The following ANKS1B variants were observed in gnomAD, a reference collection of about 807,000 sequenced individuals.
ANKS1B encodes the protein ankyrin repeat and sterile alpha motif domain-containing protein 1B.
A neutral mutation model predicts 148.3 loss-of-function variants in ANKS1B; 36 were observed. The observed-to-expected ratio is 0.24, with a 90% CI of 0.19 to 0.32. The LOEUF (loss-of-function observed/expected upper bound fraction) is 0.32. Among genes scored for constraint, ANKS1B ranks in the 10% least tolerant of loss-of-function variants. ANKS1B has a pLI of 1.00. For synonymous variants in ANKS1B, 542 were observed against 560.8 expected, an observed-to-expected ratio of 0.97 and a Z score of 0.47; for missense variants, 1,157 against 1,542.6, an observed-to-expected ratio of 0.75 and a Z score of 4.19.
chr12:98,821,161 C>T (rs907196744), intron 19 of ANKS1B, among the ~76,000 whole-genome samples: 2 of 152,212 alleles, frequency 1.3e-5, no homozygotes, highest in African/African-American at 4.8e-5. Flanking sequence ...AGGAAATAGA[C>T]ATCAGAGATG....
At chr12:99,666,372 T>C (rs2098506882) in intron 8 of ANKS1B, among the ~76,000 whole-genome samples, 1 of 152,180 alleles carries the variant, frequency 6.6e-6, no homozygotes, top group Non-Finnish European at 1.5e-5. Context: ...CATAGTACAA[T>C]TTGGGGAGAA....
At chr12:99,109,981 C>G (rs2059975472) in intron 15 of ANKS1B, among the ~76,000 whole-genome samples, 1 of 152,152 alleles carries the variant, frequency 6.6e-6, no homozygotes, top group African/African-American at 2.4e-5. Context: ...AAGGGAACAC[C>G]AGCCAAAACT....
intron 14 of ANKS1B, among the ~76,000 whole-genome samples, chr12:99,242,128 G>A (rs2153965992): frequency 6.6e-6 from 1 of 152,314 alleles, no homozygotes; most frequent in African/African-American, 2.4e-5. Context: ...TGATATGATT[G>A]TATATTTAGA....
intron 8 of ANKS1B, among the ~76,000 whole-genome samples, chr12:99,655,886 GACTT>G (rs2098447477): frequency 6.6e-6 from 1 of 152,132 alleles, no homozygotes; most frequent in Non-Finnish European, 1.5e-5. Flanking sequence ...GGTATTACCT[GACTT>G]AGCAAACATG....
chr12:99,876,014 T>C (rs1383501305), intron 1 of ANKS1B, among the ~76,000 whole-genome samples: 5 of 152,110 alleles, frequency 3.3e-5, no homozygotes, highest in African/African-American at 9.7e-5. Context: ...AGTTCATCAG[T>C]CCAGTTTTTC....
chr12:99,706,259 T>TA (rs951072125), intron 8 of ANKS1B, among the ~76,000 whole-genome samples: 8 of 151,794 alleles, frequency 5.3e-5, no homozygotes, highest in African/African-American at 1.9e-4. Context: ...GACATAAAGA[T>TA]AAATACCCAG....
chr12:99,197,326 C>A (rs2081508071), intron 14 of ANKS1B, among the ~76,000 whole-genome samples: 1 of 152,144 alleles, frequency 6.6e-6, no homozygotes, highest in Non-Finnish European at 1.5e-5. Context: ...CTTGGATTGG[C>A]CTCTGCTCAT....
At position 99,812,330 on chromosome 12, in the gene ANKS1B, C is replaced by A; in HGVS notation, c.216-19G>T. The A allele has an allele frequency of 1.2e-6, 2 of 1,605,062 alleles. No homozygotes were observed. The highest frequency in any genetic ancestry group is 1.7e-6 in the Non-Finnish European group (2 of 1,175,360). On this transcript the variant is annotated intron_variant, in intron 2 of 26. Coordinates refer to ENST00000683438, the MANE Select transcript of ANKS1B (RefSeq NM_001352186.2). ...TATGTCCCTAAAAAGGAAAAAACAA[C>A]AACAACAAAATAGGCTGAGCAAGAC... is the stretch of plus-strand genomic sequence containing the variant.
At chr12:99,550,498 C>G (rs1407376365) in intron 9 of ANKS1B, among the ~76,000 whole-genome samples, 1 of 152,022 alleles carries the variant, frequency 6.6e-6, no homozygotes, top group African/African-American at 2.4e-5. Flanking sequence ...GTGGCTGGCA[C>G]CTGTAATCCC....
At chr12:99,475,244 CAA>C (rs35782669) in intron 10 of ANKS1B, among the ~76,000 whole-genome samples, 1 of 83,762 alleles carries the variant, frequency 1.2e-5, no homozygotes. Flanking sequence ...GACTCTGTTT[CAA>C]AAAAAAAAGA....
intron 15 of ANKS1B, among the ~76,000 whole-genome samples, chr12:99,116,456 T>C (rs1160076323): frequency 6.6e-6 from 1 of 152,180 alleles, no homozygotes; most frequent in Non-Finnish European, 1.5e-5. Flanking sequence ...TATTAACTAG[T>C]ACATATAAGG....
chr12:99,443,834 T>G, intron 10 of ANKS1B, 25 bp from the exon 11 acceptor site: 1 of 1,597,132 alleles, frequency 6.3e-7, no homozygotes, highest in Non-Finnish European at 8.5e-7. Context: ...AGAACTGCCA[T>G]GAACCTAATC....
intron 14 of ANKS1B, among the ~76,000 whole-genome samples, chr12:99,181,046 T>C (rs1473771415): frequency 6.6e-6 from 1 of 152,248 alleles, no homozygotes; most frequent in Non-Finnish European, 1.5e-5. Flanking sequence ...ACCATACTTC[T>C]ACATGACTAT....
intron 9 of ANKS1B, among the ~76,000 whole-genome samples, chr12:99,582,100 C>T (rs1273733352): frequency 6.6e-6 from 1 of 151,450 alleles, no homozygotes; most frequent in Non-Finnish European, 1.5e-5. Flanking sequence ...ATAATAAGCA[C>T]AAAAAAGATG....
chr12:99,325,671 C>T (rs1190501464), intron 12 of ANKS1B, among the ~76,000 whole-genome samples: 6 of 152,140 alleles, frequency 3.9e-5, no homozygotes, highest in South Asian at 4.2e-4. Flanking sequence ...TGCAGACAAA[C>T]GGAAATTTTC....
At chr12:99,566,013 G>A (rs1294346466) in intron 9 of ANKS1B, among the ~76,000 whole-genome samples, 2 of 152,106 alleles carry the variant, frequency 1.3e-5, no homozygotes, top group Non-Finnish European at 2.9e-5. Flanking sequence ...CCTTTGTACT[G>A]AATACGCTGA....
At chr12:99,261,890 C>T (rs558355750) in intron 12 of ANKS1B, among the ~76,000 whole-genome samples, 1 of 152,100 alleles carries the variant, frequency 6.6e-6, no homozygotes. Context: ...TGAGGCCATA[C>T]GTGATCTCAG....
At position 98,870,478 on chromosome 12, in the gene ANKS1B, C is replaced by A. The variant is rs117298162; in HGVS notation, c.2779-38342G>T. On this transcript the variant is annotated intron_variant, in intron 17 of 26. Coordinates refer to ENST00000683438, the MANE Select transcript of ANKS1B (RefSeq NM_001352186.2). ...TACTTCCTTTTCCTCCCTCCCTCACCCTTTTCTTTTCTTTGCTATTTAAAT... is the reference window on the plus strand; with the variant it reads ...TACTTCCTTTTCCTCCCTCCCTCACACTTTTCTTTTCTTTGCTATTTAAAT... 1.1e-3 allele frequency among the ~76,000 whole-genome samples: 163 copies of A among 152,320 alleles called. No individual in the cohort carries two copies. The East Asian group carries it at 0.025, about 23-fold the overall frequency.
intron 26 of ANKS1B, among the ~76,000 whole-genome samples, chr12:98,747,505 A>G (rs528858414): frequency 7.8e-4 from 119 of 152,322 alleles, no homozygotes; most frequent in African/African-American, 2.6e-3. Flanking sequence ...CACTGTTGGT[A>G]GGAATCTAAA....
Sources: gnomAD v4.1 joint callset for allele counts (sites outside exome capture counted in the v4.1 genomes callset) on GRCh38, gnomAD v4.1.1 for gene constraint, MANE v1.5 for transcripts, NCBI Gene and HGNC (gene_info 2026-07-23, HGNC 2026-07-21) for gene names.